LRRTM3: variants seen among roughly 807,000 people sequenced by gnomAD.
LRRTM3 encodes the protein leucine-rich repeat transmembrane neuronal protein 3.
LRRTM3 carries 24 observed loss-of-function variants against 44.7 expected under a neutral mutation model. The observed-to-expected ratio is 0.54, with a 90% CI of 0.39 to 0.76. The LOEUF (loss-of-function observed/expected upper bound fraction) is 0.76, where lower values mean the gene tolerates loss of function less well. Ranked by LOEUF, LRRTM3 falls within the 30% of genes least tolerant of loss-of-function variation. LRRTM3 has a pLI of 0.00. For synonymous variants in LRRTM3, 277 were observed against 278.7 expected, an observed-to-expected ratio of 0.99 and a Z score of 0.06; for missense variants, 587 against 702.2, an observed-to-expected ratio of 0.84 and a Z score of 1.85.
chr10:66,989,657 C>T (rs755681479), intron 2 of LRRTM3, among the ~76,000 whole-genome samples: 1 of 152,082 alleles, frequency 6.6e-6, no homozygotes, highest in Non-Finnish European at 1.5e-5. Flanking sequence ...AATAGCTTAC[C>T]TAACGTAACA....
chr10:66,959,671 C>A (rs1393482428), intron 2 of LRRTM3, among the ~76,000 whole-genome samples: 2 of 152,176 alleles, frequency 1.3e-5, no homozygotes, highest in Admixed American at 1.3e-4. Context: ...CCATTCTACT[C>A]TCAGTGCAAC....
rs1321732866 is a variant in LRRTM3 at position 67,100,391 on chromosome 10, A to AT, written c.*2600dup. Among the ~76,000 whole-genome samples, 3 of 151,522 alleles carry AT rather than the reference A, an allele frequency of 2.0e-5. No homozygotes were observed. Among genetic ancestry groups the AT allele is most frequent in the Admixed American group, 2.0e-4 (3 of 15,154 alleles). The stretch of plus-strand genomic sequence containing the variant: ...AAAATGCTGGATGATGATTATTATT[A>AT]TTTTTGCTTAATTTTTATTTTGCCA... On this transcript the variant is annotated 3_prime_UTR_variant, in exon 3 of 3. Transcript: ENST00000361320.
intron 2 of LRRTM3, among the ~76,000 whole-genome samples, chr10:66,935,679 G>A (rs1346229533): frequency 6.6e-6 from 1 of 151,834 alleles, no homozygotes; most frequent in Non-Finnish European, 1.5e-5. Flanking sequence ...CCTATAATGT[G>A]AAGATATTTT....
At chr10:67,029,224 G>A (rs1464584401) in intron 2 of LRRTM3, among the ~76,000 whole-genome samples, 2 of 152,154 alleles carry the variant, frequency 1.3e-5, no homozygotes, top group African/African-American at 2.4e-5. Flanking sequence ...GTTCACTAAT[G>A]TACCAAATAT....
chr10:67,040,059 CTCTT>C (rs1262014451), intron 2 of LRRTM3, among the ~76,000 whole-genome samples: 1 of 152,088 alleles, frequency 6.6e-6, no homozygotes, highest in Non-Finnish European at 1.5e-5. Flanking sequence ...ATTCATCTCT[CTCTT>C]TTTTTTGGTA....
At chr10:66,970,446 G>A (rs1178538716) in intron 2 of LRRTM3, among the ~76,000 whole-genome samples, 1 of 147,368 alleles carries the variant, frequency 6.8e-6, no homozygotes, top group African/African-American at 2.5e-5. Flanking sequence ...TTACATTTGA[G>A]TTCAGTGAGG....
rs140533186 is a variant in LRRTM3 at position 66,972,692 on chromosome 10, T to A, written c.1536+44240T>A. Among the ~76,000 whole-genome samples the A allele has an allele frequency of 2.6e-3, 378 of 142,956 alleles. 5 individuals carry two copies. The highest frequency in any genetic ancestry group is 9.5e-3 in the African/African-American group (370 of 38,886). 93.8% of individuals were successfully genotyped at this position (142,956 alleles called of 152,430 possible). On this transcript the variant is annotated intron_variant, in intron 2 of 2. Coordinates refer to ENST00000361320, the MANE Select transcript of LRRTM3 (RefSeq NM_178011.5). ...ATATAGATACAATTTAAAGGTTCTG[T>A]CAAATAGATTTTTTTTTTTTTTTTT...
intron 2 of LRRTM3, among the ~76,000 whole-genome samples, chr10:67,028,124 C>T (rs1853503418): frequency 6.6e-6 from 1 of 152,174 alleles, no homozygotes; most frequent in South Asian, 2.1e-4. Flanking sequence ...CTTTTCTCTA[C>T]TGATGAGTGT....
In LRRTM3 at chr10:67,099,374, A is replaced by C. The variant is rs1858203774; in HGVS notation, c.*1578A>C. 1 of 151,760 alleles carries C rather than the reference A, an allele frequency of 6.6e-6. No homozygotes were observed. Among genetic ancestry groups the C allele is most frequent in the South Asian group, 2.1e-4 (1 of 4,832 alleles). 9.4% of individuals were successfully genotyped at this position (151,760 alleles called of 1,614,324 possible). Reference sequence around the variant, plus strand: ...AAGTTTCAATTACTGTTGCACTAGAAGTGCTTTTTATGTTGTCATTTTATA... The same window carrying C: ...AAGTTTCAATTACTGTTGCACTAGACGTGCTTTTTATGTTGTCATTTTATA... On this transcript the variant is annotated 3_prime_UTR_variant, in exon 3 of 3. Transcript: ENST00000361320.
chr10:66,977,130 C>T (rs1850081616), intron 2 of LRRTM3, among the ~76,000 whole-genome samples: 1 of 151,946 alleles, frequency 6.6e-6, no homozygotes, highest in Non-Finnish European at 1.5e-5. Flanking sequence ...TTTAAAGGAC[C>T]TATAATGGGT....
intron 2 of LRRTM3, among the ~76,000 whole-genome samples, chr10:66,947,717 G>C (rs887746001): frequency 6.7e-6 from 1 of 150,216 alleles, no homozygotes. Context: ...TTTTAATCTT[G>C]ATAAATTTAG....
chr10:66,960,742 C>T (rs994349653), intron 2 of LRRTM3, among the ~76,000 whole-genome samples: 1 of 152,168 alleles, frequency 6.6e-6, no homozygotes, highest in East Asian at 1.9e-4. Flanking sequence ...CAGAACAGAA[C>T]AGAATGGCAT....
At chr10:67,017,543 G>A (rs890779762) in intron 2 of LRRTM3, among the ~76,000 whole-genome samples, 1 of 152,114 alleles carries the variant, frequency 6.6e-6, no homozygotes, top group Admixed American at 6.6e-5. Flanking sequence ...CTATGGTTCG[G>A]CCTTTAAGAA....
chr10:67,091,309 A>G (rs1857618330), intron 2 of LRRTM3, among the ~76,000 whole-genome samples: 1 of 152,020 alleles, frequency 6.6e-6, no homozygotes, highest in Non-Finnish European at 1.5e-5. Context: ...CTTTAAGTAA[A>G]TTGAGAATTT....
chr10:67,004,452 C>CT (rs1564825260), intron 2 of LRRTM3, among the ~76,000 whole-genome samples: 1 of 152,204 alleles, frequency 6.6e-6, no homozygotes, highest in African/African-American at 2.4e-5. Context: ...GGCATGGTGT[C>CT]TGATACTTCA....
In LRRTM3 at chr10:67,028,815, A is replaced by G. The variant is rs73326989; in HGVS notation, c.1537-68772A>G. On this transcript the variant is annotated intron_variant, in intron 2 of 2. Coordinates refer to ENST00000361320, the MANE Select transcript of LRRTM3 (RefSeq NM_178011.5). ...TTTCCTCCCAAGCATTCTACAAGTA[A>G]TTACATTAGGAAGATAGGAAATCCC... Among the ~76,000 whole-genome samples, 979 of 152,264 alleles carry G rather than the reference A, an allele frequency of 6.4e-3. 13 individuals carry two copies. The highest frequency in any genetic ancestry group is 0.022 in the African/African-American group (922 of 41,566).
At position 67,097,733 on chromosome 10, in the gene LRRTM3, G is replaced by A; in HGVS notation, c.1683G>A (p.Glu561=). 1.2e-6 allele frequency: 2 copies of A among 1,612,648 alleles called. No individual in the cohort carries two copies. The highest frequency in any genetic ancestry group is 1.7e-6 in the Non-Finnish European group (2 of 1,179,038). The change falls in exon 3 of 3, where the codon GAG becomes GAA. Residue 561 remains glutamate (E), a synonymous_variant. Coordinates refer to ENST00000361320, the MANE Select transcript of LRRTM3 (RefSeq NM_178011.5). The part of the protein sequence containing the change: ...EDTMETHLET[E]LDLSTITTAG... ...CGATGGAAACACACCTAGAGACTGA[G>A]CTGGACCTGAGCACAATCACAACAG... is the stretch of plus-strand genomic sequence containing the variant.
At chr10:67,057,875 T>C (rs539989092) in intron 2 of LRRTM3, among the ~76,000 whole-genome samples, 12 of 152,158 alleles carry the variant, frequency 7.9e-5, no homozygotes, top group Non-Finnish European at 1.6e-4. Flanking sequence ...GTTCATACTC[T>C]ACCCCACAAA....
intron 2 of LRRTM3, among the ~76,000 whole-genome samples, chr10:67,094,323 T>C (rs1857837378): frequency 6.6e-6 from 1 of 151,918 alleles, no homozygotes; most frequent in Non-Finnish European, 1.5e-5. Flanking sequence ...CCAGATAGCA[T>C]AGCCTTTTAA....
Sources: allele counts gnomAD v4.1 joint callset (sites outside exome capture counted in the v4.1 genomes callset), GRCh38; gene constraint gnomAD v4.1.1; transcripts MANE v1.5; gene names NCBI Gene and HGNC (gene_info 2026-07-23, HGNC 2026-07-21).